Variants in LASP1 observed in about 807,000 individuals in gnomAD.
LASP1 encodes LIM and SH3 domain protein 1.
A neutral mutation model predicts 38.6 loss-of-function variants in LASP1; 10 were observed. That is an observed-to-expected ratio of 0.26 (90% CI 0.16 to 0.44). The LOEUF is 0.44. LASP1 is among the 20% of genes least tolerant of loss of function. LASP1 has a pLI of 1.00. For synonymous variants in LASP1, 132 were observed against 140.8 expected (o/e 0.94, Z 0.44); for missense variants, 243 against 375.7 (o/e 0.65, Z 2.92).
At chr17:38,886,289 G>C (rs898667815) in intron 2 of LASP1, among the ~76,000 whole-genome samples, 1 of 152,098 alleles carries the variant, frequency 6.6e-6, no homozygotes, top group African/African-American at 2.4e-5. Flanking sequence ...CAGGGCTGGG[G>C]GCTGGGGACT....
chr17:38,877,666 C>G (rs1260110652), intron 1 of LASP1, among the ~76,000 whole-genome samples: 4 of 152,102 alleles, frequency 2.6e-5, no homozygotes, highest in African/African-American at 9.7e-5. Context: ...CTTGGTGCCA[C>G]CAGAGGAGCT....
In LASP1 at chr17:38,876,852, G is replaced by A. The variant is rs185881758; in HGVS notation, c.70-1234G>A. ...CAAGTAGCTGGGACTACAGGCACCCGCCACCACGCCTGGCTAATTTTTTTG... is the reference window on the plus strand; with the variant it reads ...CAAGTAGCTGGGACTACAGGCACCCACCACCACGCCTGGCTAATTTTTTTG... On this transcript the variant is annotated intron_variant, in intron 1 of 6. Coordinates refer to ENST00000318008, the MANE Select transcript of LASP1 (RefSeq NM_006148.4). Among the ~76,000 whole-genome samples, 269 of 151,848 alleles carry A rather than the reference G, an allele frequency of 1.8e-3. 2 individuals are homozygous for A. The highest frequency in any genetic ancestry group is 0.012 in the East Asian group (63 of 5,158).
intron 4 of LASP1, among the ~76,000 whole-genome samples, chr17:38,907,647 C>T (rs1233629525): frequency 6.6e-6 from 1 of 152,176 alleles, no homozygotes; most frequent in East Asian, 1.9e-4. Flanking sequence ...TGTACAGCTG[C>T]AGAGGTTGTT....
At chr17:38,892,997 A>ACG (rs1203499205) in intron 3 of LASP1, among the ~76,000 whole-genome samples, 14 of 151,114 alleles carry the variant, frequency 9.3e-5, no homozygotes, top group African/African-American at 2.9e-4. Flanking sequence ...GCACGCGTGT[A>ACG]TGTGTGTGTG....
Position 38,914,446 on chromosome 17 carries a change from A to C in LASP1, c.479A>C (p.Gln160Pro). 1 of 1,610,540 alleles carries C rather than the reference A, an allele frequency of 6.2e-7. No homozygotes were observed. The highest frequency in any genetic ancestry group is 8.5e-7 in the Non-Finnish European group (1 of 1,179,328). The change falls in exon 5 of 7, where the codon CAG becomes CCG. Residue 160 changes from glutamine (Q) to proline (P), a missense_variant. Coordinates refer to ENST00000318008, the MANE Select transcript of LASP1 (RefSeq NM_006148.4). ...SSYRRPLEQQ[Q>P]PHHIPTSAPV... is the part of the protein sequence containing the mutation. ...TACCGGCGGCCCCTGGAGCAGCAGC[A>C]GCCTCACCACATCCCGACCAGTGCC... is the stretch of plus-strand genomic sequence containing the variant.
chr17:38,914,945 G>A (rs989579028), intron 5 of LASP1, 98 bp from the exon 6 acceptor site: 1 of 1,073,024 alleles, frequency 9.3e-7, no homozygotes, highest in African/African-American at 1.6e-5. Context: ...CCAGGTTGGG[G>A]GCGGGGTGGA....
intron 2 of LASP1, among the ~76,000 whole-genome samples, chr17:38,880,747 G>A (rs1913923753): frequency 6.6e-6 from 1 of 152,216 alleles, no homozygotes; most frequent in South Asian, 2.1e-4. Context: ...AACCAGGTGT[G>A]GCGCCCGCTT....
intron 1 of LASP1, among the ~76,000 whole-genome samples, chr17:38,871,077 A>G (rs1176665894): frequency 4.0e-5 from 6 of 151,232 alleles, no homozygotes; most frequent in Non-Finnish European, 8.9e-5. Context: ...CTAACTTTTC[A>G]AAGCAGGTTT....
chr17:38,888,324 A>AC (rs552560757), intron 2 of LASP1, among the ~76,000 whole-genome samples: 151 of 152,006 alleles, frequency 9.9e-4, no homozygotes, highest in African/African-American at 3.4e-3. Context: ...TCTCGCCCAG[A>AC]CTAGAGTACA....
intron 1 of LASP1, 38 bp downstream of exon 1, chr17:38,870,296 C>T (rs911541236): frequency 6.2e-7 from 1 of 1,603,360 alleles, no homozygotes; most frequent in African/African-American, 1.3e-5. Flanking sequence ...TTGCAATCCC[C>T]CGCAGTGCTC....
In LASP1 at chr17:38,919,837, G is replaced by A; in HGVS notation, c.*1059G>A. ...CAAGACCTGGTGTGCGGAGGCAGGAGCATGTATGTCTGCAGGTGTCTGACA... is the reference window on the plus strand; with the variant it reads ...CAAGACCTGGTGTGCGGAGGCAGGAACATGTATGTCTGCAGGTGTCTGACA... On this transcript the variant is annotated 3_prime_UTR_variant, in exon 7 of 7. Coordinates refer to ENST00000318008, the MANE Select transcript of LASP1 (RefSeq NM_006148.4). 1 of 453,772 alleles carries A rather than the reference G, an allele frequency of 2.2e-6. No individual in the cohort carries two copies. Among genetic ancestry groups the A allele is most frequent in the Non-Finnish European group, 4.3e-6 (1 of 234,840 alleles). The allele number at this position is 453,772 out of a possible 1,614,324, so 28.1% of individuals were successfully genotyped here.
At position 38,872,719 on chromosome 17, in the gene LASP1, TC is replaced by T. The variant is rs1234980445; in HGVS notation, c.69+2462del. On this transcript the variant is annotated intron_variant, in intron 1 of 6. Transcript: ENST00000318008. The stretch of plus-strand genomic sequence containing the variant: ...TTACAGCAAAAGAGTCAAATTAGAC[TC>T]ACCCGTTTCTCTACAATCCCCCATG... Among the ~76,000 whole-genome samples the T allele has an allele frequency of 3.3e-5, 5 of 152,050 alleles. 1 individual carries two copies. Among genetic ancestry groups the T allele is most frequent in the Non-Finnish European group, 7.4e-5 (5 of 68,006 alleles).
At chr17:38,901,617 G>C (rs1914643069) in intron 4 of LASP1, among the ~76,000 whole-genome samples, 1 of 152,144 alleles carries the variant, frequency 6.6e-6, no homozygotes, top group African/African-American at 2.4e-5. Context: ...TGGGGCCCAG[G>C]AATCAGCATG....
At position 38,870,268 on chromosome 17, in the gene LASP1, G is replaced by A. The variant is rs1913559243; in HGVS notation, c.69+10G>A. The A allele has an allele frequency of 1.2e-6, 2 of 1,613,362 alleles. No homozygotes were observed. Among genetic ancestry groups the A allele is most frequent in the Non-Finnish European group, 8.5e-7 (1 of 1,179,586 alleles). ...GAACTGTCTGGATAAGGTGAGCCCG[G>A]GACCGGGAGACGCGTCTTTGCAATC... is the stretch of plus-strand genomic sequence containing the variant. On this transcript the variant is annotated intron_variant, in intron 1 of 6. Transcript: ENST00000318008.
Position 38,917,977 on chromosome 17 carries a change from A to G in LASP1, c.613-628A>G, listed in dbSNP as rs562574184. Among the ~76,000 whole-genome samples the G allele has an allele frequency of 4.6e-4, 70 of 152,190 alleles. 2 individuals are homozygous for G. In the South Asian group the frequency reaches 4.8e-3, roughly 10 times the overall value. On this transcript the variant is annotated intron_variant, in intron 6 of 6. Coordinates refer to ENST00000318008, the MANE Select transcript of LASP1 (RefSeq NM_006148.4). Reference sequence around the variant, plus strand: ...AACATGATGAAACCCTGTCTCTACAAAAAAGTACAAAAATTAGCCGGGCAT... The same window carrying G: ...AACATGATGAAACCCTGTCTCTACAGAAAAGTACAAAAATTAGCCGGGCAT...
intron 4 of LASP1, among the ~76,000 whole-genome samples, chr17:38,907,244 A>G (rs1360842450): frequency 3.3e-5 from 5 of 152,110 alleles, no homozygotes; most frequent in African/African-American, 7.2e-5. Context: ...TTCTCAGCCC[A>G]TTTAGCCGCT....
chr17:38,893,624 G>A (rs553439354), intron 3 of LASP1, among the ~76,000 whole-genome samples: 142 of 152,206 alleles, frequency 9.3e-4, no homozygotes, highest in Non-Finnish European at 1.5e-3. Flanking sequence ...CCTTCCCACC[G>A]CCCACCAGCT....
chr17:38,912,447 G>A (rs899852973), intron 4 of LASP1, among the ~76,000 whole-genome samples: 2 of 152,094 alleles, frequency 1.3e-5, no homozygotes, highest in East Asian at 3.9e-4. Flanking sequence ...CAGGGTCAGG[G>A]TAGGGCCAGG....
intron 4 of LASP1, among the ~76,000 whole-genome samples, chr17:38,910,854 C>T (rs778294288): frequency 2.0e-5 from 3 of 152,032 alleles, no homozygotes; most frequent in Non-Finnish European, 2.9e-5. Flanking sequence ...TTCCGAGTAG[C>T]TGGGATCACA....
Sources: allele counts gnomAD v4.1 joint callset (sites outside exome capture counted in the v4.1 genomes callset), GRCh38; gene constraint gnomAD v4.1.1; transcripts MANE v1.5; gene names NCBI Gene and HGNC (gene_info 2026-07-23, HGNC 2026-07-21).